The following ITPK1 variants were observed in gnomAD, a reference collection of about 807,000 sequenced individuals.
The protein encoded by ITPK1 is inositol-tetrakisphosphate 1-kinase.
In ITPK1, 21 loss-of-function variants were observed where a neutral mutation model predicts 45.3. That is an observed-to-expected ratio of 0.46 (90% CI 0.33 to 0.67). The LOEUF (loss-of-function observed/expected upper bound fraction) is 0.67, where lower values mean the gene tolerates loss of function less well. ITPK1 is among the 30% of genes least tolerant of loss of function. The pLI, the probability that ITPK1 is intolerant of heterozygous loss-of-function variation, is 0.02. For missense variants in ITPK1, 474 were observed against 573.5 expected, an observed-to-expected ratio of 0.83 and a Z score of 1.77; for synonymous variants, 258 against 253.6, an observed-to-expected ratio of 1.02 and a Z score of -0.16.
At chr14:93,052,708 C>T (rs897075794) in intron 3 of ITPK1, among the ~76,000 whole-genome samples, 1 of 152,204 alleles carries the variant, frequency 6.6e-6, no homozygotes, top group Non-Finnish European at 1.5e-5. Context: ...GCACCACCAC[C>T]CTCCCTCCAA....
rs937247460 is a variant in ITPK1, at chr14:93,115,890, CG to C, written c.-262del. 6 of 146,248 alleles carry C rather than the reference CG, an allele frequency of 4.1e-5. No homozygotes were observed. The highest frequency in any genetic ancestry group is 1.5e-4 in the African/African-American group (6 of 40,846). 9.1% of individuals were successfully genotyped at this position (146,248 alleles called of 1,614,324 possible). A position where few individuals can be genotyped will look rare whatever the true frequency, so the allele number is the denominator to read the frequency against. On this transcript the variant is annotated 5_prime_UTR_variant, in exon 1 of 11. Coordinates refer to ENST00000267615, the MANE Select transcript of ITPK1 (RefSeq NM_014216.6). ...TGCCCGCCGCCGCCCCGCGCTGGCC[CG>C]GCCGCCCCGCTTGAGCCCGCGGCGG...
chr14:93,115,218 CT>C lies in ITPK1; in HGVS notation c.-56del. 7.5e-7 allele frequency: 1 copy of C among 1,328,042 alleles called. No homozygotes were observed. The highest frequency in any genetic ancestry group is 1.1e-6 in the Non-Finnish European group (1 of 947,300). 82.3% of individuals were successfully genotyped at this position (1,328,042 alleles called of 1,614,324 possible). A position where few individuals can be genotyped will look rare whatever the true frequency, so the allele number is the denominator to read the frequency against. ...GGAGGAAATCGCCCACAGGCCGAGT[CT>C]GGCGGCCGGCGCGCGCCGCGAGCGA... On this transcript the variant is annotated 5_prime_UTR_variant, in exon 2 of 11. Transcript: ENST00000267615.
intron 2 of ITPK1, among the ~76,000 whole-genome samples, chr14:93,110,039 A>G (rs888287914): frequency 1.3e-5 from 2 of 152,068 alleles, no homozygotes; most frequent in African/African-American, 4.8e-5. Flanking sequence ...TCGCAACCCT[A>G]AGCTAAATTA....
At chr14:92,955,987 T>C (rs1884701802) in intron 8 of ITPK1, among the ~76,000 whole-genome samples, 1 of 152,198 alleles carries the variant, frequency 6.6e-6, no homozygotes, top group East Asian at 1.9e-4. Flanking sequence ...CCTGGCACAG[T>C]GCCCTAGAGA....
chr14:93,106,055 A>G (rs1892510943), intron 2 of ITPK1, among the ~76,000 whole-genome samples: 1 of 152,144 alleles, frequency 6.6e-6, no homozygotes, highest in Non-Finnish European at 1.5e-5. Flanking sequence ...ACTTGGAGGA[A>G]GATCGATGAC....
chr14:93,029,211 G>A (rs1888905634), intron 3 of ITPK1, among the ~76,000 whole-genome samples: 1 of 152,188 alleles, frequency 6.6e-6, no homozygotes, highest in African/African-American at 2.4e-5. Context: ...GGAACTCGTG[G>A]AAGGTCACTG....
At chr14:93,043,379 C>A (rs565736360) in intron 3 of ITPK1, among the ~76,000 whole-genome samples, 1 of 152,354 alleles carries the variant, frequency 6.6e-6, no homozygotes, top group Non-Finnish European at 1.5e-5. Context: ...GAAGACAGCA[C>A]AGTAGAGACT....
intron 2 of ITPK1, among the ~76,000 whole-genome samples, chr14:93,097,935 G>A (rs8003798): frequency 0.27 from 40,402 of 151,922 alleles, 6,165 homozygotes; most frequent in African/African-American, 0.43. Context: ...CTTGAACCTG[G>A]GAGGCAGAGG....
intron 3 of ITPK1, chr14:93,066,067 C>T: frequency 3.6e-6 from 1 of 277,522 alleles, no homozygotes; most frequent in Non-Finnish European, 7.3e-6. Context: ...AAGATTTCCA[C>T]AAGTACATAT....
chr14:92,941,998 G>A (rs1353595387), intron 10 of ITPK1, 94 bp from the exon 11 acceptor site: 1 of 1,062,190 alleles, frequency 9.4e-7, no homozygotes, highest in Admixed American at 2.3e-5. Flanking sequence ...TGGGCTCCTG[G>A]GATGAGGCAG....
chr14:92,982,407 G>A (rs1351101204), intron 5 of ITPK1, among the ~76,000 whole-genome samples: 1 of 152,190 alleles, frequency 6.6e-6, no homozygotes, highest in South Asian at 2.1e-4. Flanking sequence ...CTGGCCAGCT[G>A]TGGCCGCCTT....
intron 4 of ITPK1, among the ~76,000 whole-genome samples, chr14:93,003,992 T>C (rs553476615): frequency 6.6e-6 from 1 of 152,374 alleles, no homozygotes; most frequent in Non-Finnish European, 1.5e-5. Flanking sequence ...TATTTGATTC[T>C]GTGATGTGAC....
rs1044288365 is a variant in ITPK1, at chr14:92,937,613, C to A, written c.*3948G>T. On this transcript the variant is annotated 3_prime_UTR_variant, in exon 11 of 11. Coordinates refer to ENST00000267615, the MANE Select transcript of ITPK1 (RefSeq NM_014216.6). The stretch of plus-strand genomic sequence containing the variant: ...GGAGGCTCACTCACTCCAAACCACA[C>A]TGACAATGGCTGTGCAGAGAGAAGG... 2 of 152,480 alleles carry A rather than the reference C, an allele frequency of 1.3e-5. No individual in the cohort carries two copies. Among genetic ancestry groups the A allele is most frequent in the Admixed American group, 1.3e-4 (2 of 15,312 alleles). The allele number at this position is 152,480 out of a possible 1,614,324, so 9.4% of individuals were successfully genotyped here.
At chr14:92,959,311 C>T (rs946874739) in intron 7 of ITPK1, among the ~76,000 whole-genome samples, 35 of 152,236 alleles carry the variant, frequency 2.3e-4, no homozygotes, top group Admixed American at 7.2e-4. Context: ...AGCCACCAGA[C>T]GGCTGGGGCT....
At chr14:93,022,754 A>G (rs1888535970) in intron 3 of ITPK1, among the ~76,000 whole-genome samples, 3 of 151,516 alleles carry the variant, frequency 2.0e-5, no homozygotes, top group African/African-American at 4.9e-5. Flanking sequence ...TTGAACTCCT[A>G]AACTCAAGTG....
At chr14:93,019,053 G>A (rs1888337366) in intron 3 of ITPK1, among the ~76,000 whole-genome samples, 1 of 152,234 alleles carries the variant, frequency 6.6e-6, no homozygotes, top group Admixed American at 6.5e-5. Flanking sequence ...GGAAGGTAGA[G>A]AGGCCATGGG....
At chr14:92,974,582 C>T (rs914304159) in intron 5 of ITPK1, among the ~76,000 whole-genome samples, 3 of 152,216 alleles carry the variant, frequency 2.0e-5, no homozygotes, top group Admixed American at 1.3e-4. Flanking sequence ...GCCCAGGTTC[C>T]AATCCAAGGT....
At chr14:93,097,844 A>G (rs1892142933) in intron 2 of ITPK1, among the ~76,000 whole-genome samples, 1 of 152,120 alleles carries the variant, frequency 6.6e-6, no homozygotes, top group African/African-American at 2.4e-5. Flanking sequence ...CCCTGTCTCT[A>G]CTACAAGTAC....
intron 3 of ITPK1, chr14:93,072,078 G>C (rs1891030483): frequency 1.3e-5 from 2 of 150,876 alleles, no homozygotes; most frequent in Middle Eastern, 6.8e-3. Context: ...CAGATCACCT[G>C]AGGTCAGCAG....
Sources: allele counts gnomAD v4.1 joint callset (sites outside exome capture counted in the v4.1 genomes callset), GRCh38; gene constraint gnomAD v4.1.1; transcripts MANE v1.5; gene names NCBI Gene and HGNC (gene_info 2026-07-23, HGNC 2026-07-21).